The following PTPRM variants were observed in gnomAD, a reference collection of about 807,000 sequenced individuals.
The protein encoded by PTPRM is protein tyrosine phosphatase receptor type M, also known as receptor-type tyrosine-protein phosphatase mu.
A neutral mutation model predicts 186.7 loss-of-function variants in PTPRM; 47 were observed. The ratio of observed to expected loss-of-function variants is 0.25; its 90% CI spans 0.20 to 0.32. The LOEUF is 0.32. Ranked by LOEUF, PTPRM falls within the 10% of genes least tolerant of loss-of-function variation. The pLI is 1.00. For synonymous variants in PTPRM, 668 were observed against 674.9 expected (o/e 0.99, Z 0.16); for missense variants, 1,494 against 1,865.0 (o/e 0.80, Z 3.66).
intron 13 of PTPRM, among the ~76,000 whole-genome samples, chr18:8,116,364 A>G (rs781697170): frequency 6.6e-6 from 1 of 152,212 alleles, no homozygotes; most frequent in Non-Finnish European, 1.5e-5. Flanking sequence ...CTTCATTACT[A>G]TGAAAAGGGA....
At chr18:7,788,528 G>T (rs2043192795) in intron 2 of PTPRM, among the ~76,000 whole-genome samples, 1 of 152,116 alleles carries the variant, frequency 6.6e-6, no homozygotes, top group South Asian at 2.1e-4. Context: ...TGCTGCTTCT[G>T]GGAGTTTTAA....
At chr18:8,212,249 G>C (rs1028374883) in intron 14 of PTPRM, among the ~76,000 whole-genome samples, 10 of 152,308 alleles carry the variant, frequency 6.6e-5, no homozygotes, top group African/African-American at 2.4e-4. Context: ...AGATGAGCAG[G>C]TGAGGAATGG....
chr18:7,908,700 T>C (rs2050118367), intron 4 of PTPRM, among the ~76,000 whole-genome samples: 1 of 152,206 alleles, frequency 6.6e-6, no homozygotes, highest in South Asian at 2.1e-4. Flanking sequence ...TCAGCAAAAC[T>C]GGGGAGTTCA....
At chr18:8,133,815 T>C (rs115990653) in intron 13 of PTPRM, among the ~76,000 whole-genome samples, 1,787 of 152,292 alleles carry the variant, frequency 0.012, 33 homozygotes, top group African/African-American at 0.04. Flanking sequence ...TGATTTTGTT[T>C]TTTTAAATGA....
intron 5 of PTPRM, among the ~76,000 whole-genome samples, chr18:7,944,772 C>A (rs141946251): frequency 6.6e-6 from 1 of 152,126 alleles, no homozygotes; most frequent in East Asian, 1.9e-4. Context: ...TTCTCTTATT[C>A]ACTAGACTTT....
chr18:7,939,284 CCT>C (rs2052020033), intron 5 of PTPRM, among the ~76,000 whole-genome samples: 5 of 95,348 alleles, frequency 5.2e-5, no homozygotes, highest in Non-Finnish European at 1.2e-4. Flanking sequence ...GAGCTCCCTG[CCT>C]GATGCCTGCG....
At chr18:8,344,070 T>TTACATAG (rs1385955155) in intron 23 of PTPRM, among the ~76,000 whole-genome samples, 1 of 152,228 alleles carries the variant, frequency 6.6e-6, no homozygotes, top group African/African-American at 2.4e-5. Flanking sequence ...CAGGAAACTT[T>TTACATAG]TACATAGTTG....
At chr18:8,039,940 C>A (rs1489865836) in intron 7 of PTPRM, among the ~76,000 whole-genome samples, 1 of 152,080 alleles carries the variant, frequency 6.6e-6, no homozygotes, top group Non-Finnish European at 1.5e-5. Flanking sequence ...ATTGAAAACC[C>A]CAATTAAGAA....
At chr18:8,338,835 C>T (rs1417230065) in intron 22 of PTPRM, among the ~76,000 whole-genome samples, 1 of 152,146 alleles carries the variant, frequency 6.6e-6, no homozygotes, top group South Asian at 2.1e-4. Flanking sequence ...CCACTGTGAG[C>T]TTAAGGGACC....
intron 11 of PTPRM, among the ~76,000 whole-genome samples, chr18:8,110,421 A>G (rs372410365): frequency 6.6e-6 from 1 of 152,312 alleles, no homozygotes; most frequent in East Asian, 1.9e-4. Flanking sequence ...GAGGAGAACT[A>G]CATTTAAGTG....
intron 14 of PTPRM, among the ~76,000 whole-genome samples, chr18:8,152,330 G>A (rs541298945): frequency 6.5e-4 from 99 of 152,236 alleles, no homozygotes; most frequent in African/African-American, 1.8e-3. Context: ...AGGTAAAACC[G>A]TTGGCAACAG....
In PTPRM at chr18:7,871,222, A is replaced by G. The variant is rs114473275; in HGVS notation, c.197-16884A>G. ...GATTAATCCTTCTAAAGTTTGGACA[A>G]TGAATGAAGTGAATGAAGTTTGGAC... On this transcript the variant is annotated intron_variant, in intron 2 of 32. Coordinates refer to ENST00000580170, the MANE Select transcript of PTPRM (RefSeq NM_001105244.2). 7.7e-3 allele frequency among the ~76,000 whole-genome samples: 1,167 copies of G among 152,294 alleles called. 15 individuals carry two copies. The highest frequency in any genetic ancestry group is 0.027 in the African/African-American group (1,105 of 41,552).
At chr18:8,171,836 T>C in intron 14 of PTPRM, among the ~76,000 whole-genome samples, 1 of 152,162 alleles carries the variant, frequency 6.6e-6, no homozygotes, top group East Asian at 1.9e-4. Context: ...TAGGTTAGCC[T>C]AGCCTCCCTT....
At chr18:7,694,714 G>A (rs183404572) in intron 1 of PTPRM, among the ~76,000 whole-genome samples, 43 of 152,154 alleles carry the variant, frequency 2.8e-4, no homozygotes. Flanking sequence ...GGCATGAGCC[G>A]CCGTGCCGCT....
At chr18:8,270,739 A>G (rs143240541) in intron 19 of PTPRM, among the ~76,000 whole-genome samples, 36 of 152,178 alleles carry the variant, frequency 2.4e-4, no homozygotes, top group Admixed American at 5.2e-4. Flanking sequence ...GTTATGCAAA[A>G]TGAAATACGT....
chr18:7,731,519 C>A (rs1354847226), intron 1 of PTPRM, among the ~76,000 whole-genome samples: 1 of 152,118 alleles, frequency 6.6e-6, no homozygotes, highest in Non-Finnish European at 1.5e-5. Flanking sequence ...TAGTTTGCAG[C>A]TAAGGAAACT....
chr18:7,791,639 CAGA>C (rs757449510), intron 2 of PTPRM, among the ~76,000 whole-genome samples: 12 of 152,086 alleles, frequency 7.9e-5, no homozygotes, highest in Admixed American at 4.6e-4. Flanking sequence ...GTTGGATGCA[CAGA>C]AGAAGAAGAA....
chr18:8,049,287 A>G (rs987929723), intron 7 of PTPRM: 1 of 152,206 alleles, frequency 6.6e-6, no homozygotes, highest in African/African-American at 2.4e-5. Flanking sequence ...AATGTCACCA[A>G]GGAGCTCAAG....
rs1411926520 is a variant in PTPRM, at chr18:8,244,112, T to G, written c.2355T>G (p.Thr785=). Residue 785 remains threonine (T), a synonymous_variant, in exon 15 of 33, where the codon ACT becomes ACG. Transcript: ENST00000580170. ...TGAGCAGCACCCGACAGGAGATGAC[T>G]GTGATGGTGAACTCAATGGACAAGA... ...ETMSSTRQEM[T]VMVNSMDKSY... 27 of 1,609,364 alleles carry G rather than the reference T, an allele frequency of 1.7e-5. 1 individual carries two copies. The Admixed American group carries it at 4.1e-4, about 24-fold the overall frequency.
Sources: gnomAD v4.1 joint callset for allele counts (sites outside exome capture counted in the v4.1 genomes callset) on GRCh38, gnomAD v4.1.1 for gene constraint, MANE v1.5 for transcripts, NCBI Gene and HGNC (gene_info 2026-07-23, HGNC 2026-07-21) for gene names.